HERC2: variants seen among roughly 807,000 people sequenced by gnomAD.
HERC2 encodes the protein HECT and RLD domain containing E3 ubiquitin protein ligase 2.
HERC2 carries 102 observed loss-of-function variants against 537.7 expected under a neutral mutation model. The observed-to-expected ratio is 0.19, with a 90% CI of 0.16 to 0.22. The LOEUF (loss-of-function observed/expected upper bound fraction) is 0.22. Among genes scored for constraint, HERC2 ranks in the 10% least tolerant of loss-of-function variants. The pLI, the probability that HERC2 is intolerant of heterozygous loss-of-function variation, is 1.00. For missense variants in HERC2, 4,236 were observed against 6,198.2 expected, an observed-to-expected ratio of 0.68 and a Z score of 10.63; for synonymous variants, 2,224 against 2,466.2, an observed-to-expected ratio of 0.90 and a Z score of 2.91.
chr15:28,151,888 T>C (rs58523311), intron 70 of HERC2, among the ~76,000 whole-genome samples: 12,215 of 152,132 alleles, frequency 0.08, 1,698 homozygotes, highest in African/African-American at 0.28. Context: ...CTTGAACAAC[T>C]AACTACAGGA....
At chr15:28,295,880 C>T (rs370439317) in intron 3 of HERC2, among the ~76,000 whole-genome samples, 19 of 152,182 alleles carry the variant, frequency 1.2e-4, no homozygotes, top group Admixed American at 4.6e-4. Context: ...TGCAAGGTCC[C>T]ATGGCTATGA....
intron 81 of HERC2, among the ~76,000 whole-genome samples, chr15:28,131,089 C>G (rs1020517201): frequency 2.6e-5 from 4 of 152,306 alleles, no homozygotes; most frequent in African/African-American, 9.6e-5. Context: ...CAAGCTGCTC[C>G]TCATGACCTC....
At chr15:28,220,400 C>T in intron 37 of HERC2, 52 bp downstream of exon 37, 1 of 1,526,598 alleles carries the variant, frequency 6.6e-7, no homozygotes, top group South Asian at 1.1e-5. Context: ...GCAGCCAGCA[C>T]CTGGACAGTT....
intron 48 of HERC2, among the ~76,000 whole-genome samples, chr15:28,200,406 A>C (rs1347088572): frequency 6.8e-6 from 1 of 148,046 alleles, no homozygotes; most frequent in Non-Finnish European, 1.5e-5. Context: ...AAAAACAAAC[A>C]AAAAAAAAAG....
chr15:28,124,697 C>T (rs542978344), intron 84 of HERC2, among the ~76,000 whole-genome samples: 45 of 152,306 alleles, frequency 3.0e-4, no homozygotes, highest in Admixed American at 6.5e-4. Flanking sequence ...GTAGCTGGGA[C>T]TACAGGTGCA....
rs2076127163 is a variant in HERC2 at position 28,285,304 on chromosome 15, A to C, written c.323-5017T>G. Among the ~76,000 whole-genome samples, 5 of 152,208 alleles carry C rather than the reference A, an allele frequency of 3.3e-5. No homozygotes were observed. In the South Asian group the frequency reaches 1.0e-3, roughly 32 times the overall value. Reference sequence around the variant, plus strand: ...TAGAACATATTCTGAGGCATAAAACAAACCTAACAAATTTTTTGAAATTAA... The same window carrying C: ...TAGAACATATTCTGAGGCATAAAACCAACCTAACAAATTTTTTGAAATTAA... On this transcript the variant is annotated intron_variant, in intron 4 of 92. Transcript: ENST00000261609.
intron 23 of HERC2, among the ~76,000 whole-genome samples, chr15:28,241,086 G>C (rs1043479358): frequency 2.0e-5 from 3 of 152,106 alleles, no homozygotes; most frequent in African/African-American, 7.2e-5. Context: ...GTGCATCAAA[G>C]GAGGCTATCA....
intron 79 of HERC2, among the ~76,000 whole-genome samples, chr15:28,134,703 CTTTT>C (rs71132835): frequency 6.1e-5 from 7 of 114,780 alleles, no homozygotes; most frequent in East Asian, 2.6e-4. Flanking sequence ...ATTTTTTCCT[CTTTT>C]TTTTTTTTTT....
intron 78 of HERC2, 80 bp from the exon 79 acceptor site, chr15:28,135,772 A>C: frequency 2.0e-6 from 2 of 1,024,176 alleles, no homozygotes; most frequent in Non-Finnish European, 2.9e-6. Context: ...AACCTAATCC[A>C]TGCTTTAGAC....
chr15:28,273,283 T>C (rs2075788788), intron 7 of HERC2: 1 of 479,756 alleles, frequency 2.1e-6, no homozygotes, highest in Non-Finnish European at 3.7e-6. Flanking sequence ...TTTATCTCAT[T>C]ATCAAAAACA....
intron 65 of HERC2, among the ~76,000 whole-genome samples, chr15:28,173,492 T>C (rs947344271): frequency 2.6e-5 from 4 of 152,174 alleles, no homozygotes; most frequent in African/African-American, 9.7e-5. Flanking sequence ...ATTCTATTTA[T>C]AGTAAGCTGT....
chr15:28,117,796 T>C (rs1888443211), intron 86 of HERC2: 19 of 350,308 alleles, frequency 5.4e-5, no homozygotes, highest in South Asian at 3.9e-4. Context: ...TGCTAAAGGC[T>C]CAGGGGCCTC....
intron 2 of HERC2, among the ~76,000 whole-genome samples, chr15:28,316,448 C>T (rs902918819): frequency 1.3e-5 from 2 of 151,848 alleles, no homozygotes; most frequent in South Asian, 2.1e-4. Flanking sequence ...TAGACCAGCC[C>T]GGACAACAAA....
chr15:28,210,247 C>T (rs1473510441), intron 44 of HERC2, among the ~76,000 whole-genome samples: 3 of 152,124 alleles, frequency 2.0e-5, no homozygotes, highest in Non-Finnish European at 2.9e-5. Context: ...CATTCTCCTG[C>T]GTCAGCCTCC....
intron 92 of HERC2, 91 bp from the exon 93 acceptor site, chr15:28,112,126 A>T (rs986124280): frequency 7.7e-7 from 1 of 1,293,986 alleles, no homozygotes; most frequent in East Asian, 2.3e-5. Context: ...TCACAAAACC[A>T]TATTTTTTGC....
Position 28,229,179 on chromosome 15 carries a change from A to G in HERC2, c.5272+16T>C. ...AGGCAAACTATAAAATAACATTGATACAATTATTGACTCACCAAGCTCTTT... is the reference window on the plus strand; with the variant it reads ...AGGCAAACTATAAAATAACATTGATGCAATTATTGACTCACCAAGCTCTTT... On this transcript the variant is annotated intron_variant, in intron 34 of 92. Coordinates refer to ENST00000261609, the MANE Select transcript of HERC2 (RefSeq NM_004667.6). 6.2e-7 allele frequency: 1 copy of G among 1,602,074 alleles called. No individual in the cohort carries two copies. Among genetic ancestry groups the G allele is most frequent in the South Asian group, 1.1e-5 (1 of 90,712 alleles).
chr15:28,301,418 C>CA (rs796128116), intron 2 of HERC2, among the ~76,000 whole-genome samples: 3,038 of 135,152 alleles, frequency 0.022, 23 homozygotes, highest in African/African-American at 0.074. Context: ...TTACCTCAAA[C>CA]AAAAAAAAAA....
At chr15:28,253,436 A>T (rs2075148412) in intron 20 of HERC2, among the ~76,000 whole-genome samples, 1 of 152,242 alleles carries the variant, frequency 6.6e-6, no homozygotes, top group African/African-American at 2.4e-5. Context: ...GCTTATTAGT[A>T]AGAATCTTTT....
At chr15:28,240,556 T>C (rs1357699108) in intron 23 of HERC2, among the ~76,000 whole-genome samples, 2 of 152,256 alleles carry the variant, frequency 1.3e-5, no homozygotes, top group Non-Finnish European at 2.9e-5. Context: ...TTATCTATGT[T>C]AGAAAATTTT....
Sources: gnomAD v4.1 joint callset for allele counts (sites outside exome capture counted in the v4.1 genomes callset) on GRCh38, gnomAD v4.1.1 for gene constraint, MANE v1.5 for transcripts, NCBI Gene and HGNC (gene_info 2026-07-23, HGNC 2026-07-21) for gene names.